PDE4D: variants seen among roughly 807,000 people sequenced by gnomAD.
PDE4D encodes 3',5'-cyclic-AMP phosphodiesterase 4D.
In PDE4D, 24 loss-of-function variants were observed where a neutral mutation model predicts 87.4. That is an observed-to-expected ratio of 0.27 (90% CI 0.20 to 0.39). The LOEUF (loss-of-function observed/expected upper bound fraction) is 0.39. PDE4D is among the 10% of genes least tolerant of loss of function. PDE4D has a pLI of 1.00. For synonymous variants in PDE4D, 384 were observed against 383.2 expected (o/e 1.00, Z -0.02); for missense variants, 714 against 1,041.0 (o/e 0.69, Z 4.32).
intron 1 of PDE4D, among the ~76,000 whole-genome samples, chr5:59,332,230 G>T (rs1011312323): frequency 6.6e-6 from 1 of 151,530 alleles, no homozygotes; most frequent in African/African-American, 2.4e-5. Context: ...GTCAGTGATG[G>T]TTTTTTTTGG....
intron 6 of PDE4D, among the ~76,000 whole-genome samples, chr5:59,035,252 C>T (rs1490340049): frequency 6.6e-6 from 1 of 152,174 alleles, no homozygotes; most frequent in Non-Finnish European, 1.5e-5. Flanking sequence ...TAGAGTAAAA[C>T]AGGAAAAGTA....
At chr5:59,318,736 T>C (rs1166113059) in intron 1 of PDE4D, among the ~76,000 whole-genome samples, 1 of 152,124 alleles carries the variant, frequency 6.6e-6, no homozygotes, top group Non-Finnish European at 1.5e-5. Flanking sequence ...TTTTTTTAAC[T>C]TCTTTTTTCA....
At chr5:60,102,667 T>C (rs1211245495) in intron 2 of PDE4D, among the ~76,000 whole-genome samples, 1 of 152,156 alleles carries the variant, frequency 6.6e-6, no homozygotes, top group Non-Finnish European at 1.5e-5. Context: ...AAAGAAAGGA[T>C]AGAGATTACC....
intron 1 of PDE4D, among the ~76,000 whole-genome samples, chr5:59,261,317 T>G (rs1194162787): frequency 6.6e-6 from 1 of 151,878 alleles, no homozygotes; most frequent in Non-Finnish European, 1.5e-5. Context: ...CCTTACTTAT[T>G]AATGCAGTTA....
intron 1 of PDE4D, among the ~76,000 whole-genome samples, chr5:59,380,056 G>A (rs186629832): frequency 8.3e-4 from 127 of 152,192 alleles, no homozygotes; most frequent in Middle Eastern, 3.4e-3. Flanking sequence ...AAGGGTAGGA[G>A]TAATTTTGAG....
At chr5:60,043,629 G>A (rs919699038) in intron 2 of PDE4D, among the ~76,000 whole-genome samples, 1 of 151,804 alleles carries the variant, frequency 6.6e-6, no homozygotes, top group African/African-American at 2.4e-5. Context: ...AGAAAAGAGA[G>A]GGGGCCACTC....
intron 1 of PDE4D, among the ~76,000 whole-genome samples, chr5:59,646,100 T>C (rs1029901167): frequency 1.3e-5 from 2 of 152,224 alleles, no homozygotes; most frequent in Non-Finnish European, 2.9e-5. Context: ...TTGTTATCCT[T>C]GTAGAATTTG....
At chr5:60,233,495 G>A (rs1746053130) in intron 1 of PDE4D, among the ~76,000 whole-genome samples, 1 of 151,070 alleles carries the variant, frequency 6.6e-6, no homozygotes, top group Non-Finnish European at 1.5e-5. Flanking sequence ...ATATAGAAGT[G>A]CCAACTGTTC....
At position 60,224,586 on chromosome 5, in the gene PDE4D, G is replaced by A. The variant is rs1258317275; in HGVS notation, c.-89-38899C>T. Among the ~76,000 whole-genome samples, 8 of 152,054 alleles carry A rather than the reference G, an allele frequency of 5.3e-5. No homozygotes were observed. The East Asian group carries it at 1.5e-3, about 29-fold the overall frequency. ...AGCTCCTCCCTCTCCCCTACAGGCA[G>A]TCTCAGCACCTCCCCAGGTAGGCTC... On this transcript the variant is annotated intron_variant, in intron 1 of 16. Transcript: ENST00000502484.
intron 2 of PDE4D, among the ~76,000 whole-genome samples, chr5:60,165,494 GT>G (rs575267940): frequency 2.0e-5 from 3 of 151,854 alleles, no homozygotes; most frequent in Admixed American, 2.0e-4. Context: ...GGCTATTCAG[GT>G]TTTTTATAAT....
chr5:59,609,570 G>T (rs1036300074), intron 1 of PDE4D, among the ~76,000 whole-genome samples: 5 of 152,046 alleles, frequency 3.3e-5, no homozygotes, highest in Non-Finnish European at 5.9e-5. Flanking sequence ...TCCCGACTGT[G>T]GTGTCTCCCA....
At chr5:59,063,294 G>A (rs1763424014) in intron 5 of PDE4D, 1 of 152,174 alleles carries the variant, frequency 6.6e-6, no homozygotes, top group Non-Finnish European at 1.5e-5. Context: ...TGATGACCCA[G>A]ATTTGGCAAG....
intron 2 of PDE4D, among the ~76,000 whole-genome samples, chr5:60,159,262 T>A (rs1381783539): frequency 6.6e-6 from 1 of 152,192 alleles, no homozygotes; most frequent in East Asian, 1.9e-4. Flanking sequence ...AATGCCTTCT[T>A]CTGGAACACC....
chr5:59,698,465 G>C (rs905355138), intron 1 of PDE4D, among the ~76,000 whole-genome samples: 1 of 151,806 alleles, frequency 6.6e-6, no homozygotes, highest in South Asian at 2.1e-4. Flanking sequence ...GGGTCAAGCA[G>C]AAGGAAAGAG....
intron 1 of PDE4D, among the ~76,000 whole-genome samples, chr5:59,805,526 A>C (rs1315421350): frequency 6.6e-6 from 1 of 152,186 alleles, no homozygotes; most frequent in Non-Finnish European, 1.5e-5. Context: ...TTTTGATGCA[A>C]AGTTCAAAAA....
At chr5:59,711,791 G>GA (rs1439290900) in intron 1 of PDE4D, among the ~76,000 whole-genome samples, 1 of 152,012 alleles carries the variant, frequency 6.6e-6, no homozygotes, top group Non-Finnish European at 1.5e-5. Flanking sequence ...ATCTCAACCA[G>GA]AAAAAAATGG....
At chr5:60,153,426 T>A (rs1781693080) in intron 2 of PDE4D, among the ~76,000 whole-genome samples, 1 of 152,124 alleles carries the variant, frequency 6.6e-6, no homozygotes, top group South Asian at 2.1e-4. Flanking sequence ...TTGGTGGAAA[T>A]GTAAATTAGG....
At chr5:60,415,682 G>A (rs1003844896) in intron 1 of PDE4D, among the ~76,000 whole-genome samples, 5 of 152,210 alleles carry the variant, frequency 3.3e-5, no homozygotes, top group South Asian at 2.1e-4. Context: ...GTGCGGCCAC[G>A]CCTGAGTCTC....
chr5:59,518,754 G>A (rs1276225115), intron 1 of PDE4D, among the ~76,000 whole-genome samples: 1 of 152,012 alleles, frequency 6.6e-6, no homozygotes, highest in African/African-American at 2.4e-5. Flanking sequence ...TGTTGTTTCT[G>A]CATCCCCTAT....
Sources: gnomAD v4.1 joint callset for allele counts (sites outside exome capture counted in the v4.1 genomes callset) on GRCh38, gnomAD v4.1.1 for gene constraint, MANE v1.5 for transcripts, NCBI Gene and HGNC (gene_info 2026-07-23, HGNC 2026-07-21) for gene names.